PCDHGB2: variants seen among roughly 807,000 people sequenced by gnomAD.
The protein encoded by PCDHGB2 is protocadherin gamma-B2.
PCDHGB2 carries 55 observed loss-of-function variants against 59.3 expected under a neutral mutation model. The observed-to-expected ratio is 0.93, with a 90% confidence interval of 0.75 to 1.16. PCDHGB2 has a LOEUF of 1.16. Among genes scored for constraint, PCDHGB2 ranks in the 50% most tolerant of loss-of-function variants. The probability of loss-of-function intolerance (pLI) is 0.00; values close to 1 mark genes in which losing one functional copy is unlikely to be tolerated. For missense variants in PCDHGB2, 1,228 were observed against 1,198.5 expected (o/e 1.02, Z -0.36); for synonymous variants, 516 against 512.0 (o/e 1.01, Z -0.11).
At chr5:141,479,023 GT>G (rs1436478867) in intron 1 of PCDHGB2, among the ~76,000 whole-genome samples, 1 of 152,056 alleles carries the variant, frequency 6.6e-6, no homozygotes, top group Non-Finnish European at 1.5e-5. Context: ...ATTTTCCTTT[GT>G]TTATACAGAT....
chr5:141,480,074 A>G (rs976924380), intron 1 of PCDHGB2, among the ~76,000 whole-genome samples: 5 of 152,196 alleles, frequency 3.3e-5, no homozygotes, highest in Non-Finnish European at 7.3e-5. Flanking sequence ...TATAAGATTC[A>G]TGCATGATAT....
At chr5:141,365,608 C>T in intron 1 of PCDHGB2, 11 of 1,613,576 alleles carry the variant, frequency 6.8e-6, no homozygotes, top group Non-Finnish European at 9.3e-6. Flanking sequence ...CCGTCATGGA[C>T]CATGGAACCC....
intron 1 of PCDHGB2, chr5:141,399,563 T>G: frequency 6.2e-7 from 1 of 1,614,054 alleles, no homozygotes; most frequent in Non-Finnish European, 8.5e-7. Flanking sequence ...GACTTGGGGT[T>G]GAACGGCCAA....
At chr5:141,389,985 T>C (rs754723585) in intron 1 of PCDHGB2, 5 of 1,614,006 alleles carry the variant, frequency 3.1e-6, no homozygotes, top group Non-Finnish European at 4.2e-6. Flanking sequence ...CTCAGTGCTC[T>C]TCCTCGTGGC....
intron 1 of PCDHGB2, chr5:141,410,497 T>TG (rs1192894414): frequency 6.2e-7 from 1 of 1,613,998 alleles, no homozygotes; most frequent in South Asian, 1.1e-5. Flanking sequence ...AAGAGTTTAA[T>TG]TTCCTAAAAT....
rs1007767889 is a variant in PCDHGB2, at chr5:141,360,273, C to G, written c.138C>G (p.Val46=). The change falls in exon 1 of 4, where the codon GTC becomes GTG. Residue 46 remains valine, a synonymous_variant. Coordinates refer to ENST00000522605, the MANE Select transcript of PCDHGB2 (RefSeq NM_018923.3). Reference sequence around the variant, plus strand: ...CAGAGGAGCTGGCCAAAAACTCGGTCGTAGGAAACCTCGCCAAGGATCTGG... The same window carrying G: ...CAGAGGAGCTGGCCAAAAACTCGGTGGTAGGAAACCTCGCCAAGGATCTGG... ...SIPEELAKNS[V]VGNLAKDLGL... 6.8e-6 allele frequency: 11 copies of G among 1,613,778 alleles called. No individual in the cohort carries two copies. The Admixed American group carries it at 8.3e-5, about 12-fold the overall frequency.
At chr5:141,429,469 T>C (rs547784462) in intron 1 of PCDHGB2, among the ~76,000 whole-genome samples, 4 of 151,932 alleles carry the variant, frequency 2.6e-5, no homozygotes, top group African/African-American at 4.8e-5. Context: ...CCCACCTCAA[T>C]CTCCAGAGTA....
chr5:141,473,497 C>T (rs2099323546), intron 1 of PCDHGB2, among the ~76,000 whole-genome samples: 1 of 152,106 alleles, frequency 6.6e-6, no homozygotes, highest in Non-Finnish European at 1.5e-5. Context: ...ATAAGGTGTT[C>T]TGAGAGAGCA....
chr5:141,382,945 C>A, intron 1 of PCDHGB2: 1 of 1,597,008 alleles, frequency 6.3e-7, no homozygotes, highest in Non-Finnish European at 8.6e-7. Flanking sequence ...ATTCTTCCTG[C>A]TCTCCATCCT....
rs374191427 is a variant in PCDHGB2 at position 141,419,804 on chromosome 5, G to A, written c.2421+57248G>A. ...GCGCCTGCTAGTCGCTGTAAGAGAT[G>A]GAGGACAGCCACCCCTTTCAGCCAC... On this transcript the variant is annotated intron_variant, in intron 1 of 3. Coordinates refer to ENST00000522605, the MANE Select transcript of PCDHGB2 (RefSeq NM_018923.3). The A allele has an allele frequency of 2.8e-5, 45 of 1,613,946 alleles. No homozygotes were observed. The highest frequency in any genetic ancestry group is 1.6e-4 in the Middle Eastern group (1 of 6,082).
chr5:141,473,925 T>C (rs1338065496), intron 1 of PCDHGB2, among the ~76,000 whole-genome samples: 1 of 152,124 alleles, frequency 6.6e-6, no homozygotes, highest in East Asian at 1.9e-4. Context: ...AACTATGAGC[T>C]GGGTGCAGTA....
At chr5:141,379,106 T>C (rs1181116789) in intron 1 of PCDHGB2, 3 of 152,192 alleles carry the variant, frequency 2.0e-5, no homozygotes, top group Non-Finnish European at 4.4e-5. Context: ...AAAAAAGCAA[T>C]TGAGAAGATA....
At position 141,476,565 on chromosome 5, in the gene PCDHGB2, C is replaced by A; in HGVS notation, c.2422-18242C>A. 1 of 1,614,184 alleles carries A rather than the reference C, an allele frequency of 6.2e-7. No homozygotes were observed. ...TTGGAGATTAGCGAGGCCGTGGCTC[C>A]GGGGACGCGCTTTCCGCTCGAGAGC... On this transcript the variant is annotated intron_variant, in intron 1 of 3. Coordinates refer to ENST00000522605, the MANE Select transcript of PCDHGB2 (RefSeq NM_018923.3). The surrounding 1 kb of genome is among the most constrained non-coding windows in gnomAD (Gnocchi z 7.6).
At chr5:141,414,668 A>C in intron 1 of PCDHGB2, 1 of 1,613,856 alleles carries the variant, frequency 6.2e-7, no homozygotes, top group East Asian at 2.2e-5. Context: ...CTGGCTGAAG[A>C]CACCATCCAG....
intron 1 of PCDHGB2, among the ~76,000 whole-genome samples, chr5:141,444,203 C>A (rs2098425806): frequency 1.3e-5 from 1 of 79,180 alleles, no homozygotes; most frequent in Admixed American, 2.0e-4. Context: ...TGGAGTTTCA[C>A]TCTTGTTGCC....
intron 1 of PCDHGB2, chr5:141,419,559 T>C: frequency 6.2e-7 from 1 of 1,611,930 alleles, no homozygotes. Context: ...TACCCTGCGC[T>C]GGGTCCCGAC....
chr5:141,447,742 T>G (rs1440015460), intron 1 of PCDHGB2, among the ~76,000 whole-genome samples: 3 of 152,056 alleles, frequency 2.0e-5, no homozygotes, highest in Non-Finnish European at 4.4e-5. Flanking sequence ...AACTTAAGAG[T>G]CTTGCATGTG....
chr5:141,392,060 G>A (rs537832041), intron 1 of PCDHGB2: 11 of 151,956 alleles, frequency 7.2e-5, no homozygotes, highest in Non-Finnish European at 1.5e-4. Context: ...AAATATTATC[G>A]ACATGTAATT....
intron 1 of PCDHGB2, chr5:141,417,999 TG>T: frequency 6.2e-7 from 1 of 1,613,838 alleles, no homozygotes; most frequent in Non-Finnish European, 8.5e-7. Context: ...GGCTCGGTGG[TG>T]GGGAACCTCG....
Sources: gnomAD v4.1 joint callset for allele counts (sites outside exome capture counted in the v4.1 genomes callset) on GRCh38, gnomAD v4.1.1 for gene constraint, Gnocchi (gnomAD v3.1) non-coding constraint, MANE v1.5 for transcripts, NCBI Gene and HGNC (gene_info 2026-07-23, HGNC 2026-07-21) for gene names.